The following SNTG1 variants were observed in gnomAD, a reference collection of about 807,000 sequenced individuals.
SNTG1 encodes gamma-1-syntrophin.
Under a neutral mutation model 74.7 loss-of-function variants are expected in SNTG1, and 39 were observed. The observed-to-expected ratio is 0.52, with a 90% CI of 0.40 to 0.68. The LOEUF (loss-of-function observed/expected upper bound fraction) is 0.68, where lower values mean the gene tolerates loss of function less well. Among genes scored for constraint, SNTG1 ranks in the 30% least tolerant of loss-of-function variants. SNTG1 has a pLI of 0.00. For synonymous variants in SNTG1, 254 were observed against 217.1 expected (o/e 1.17, Z -1.49); for missense variants, 685 against 609.5 (o/e 1.12, Z -1.30).
intron 2 of SNTG1, among the ~76,000 whole-genome samples, chr8:50,248,508 C>T (rs562187089): frequency 7.9e-5 from 12 of 152,280 alleles, no homozygotes; most frequent in South Asian, 4.1e-4. Flanking sequence ...ATACCACTTT[C>T]CTCAGTCAGA....
intron 2 of SNTG1, among the ~76,000 whole-genome samples, chr8:50,193,511 C>T (rs1190739268): frequency 6.6e-6 from 1 of 151,970 alleles, no homozygotes; most frequent in South Asian, 2.1e-4. Context: ...GATTTGTATA[C>T]ATTAATCTTG....
At position 50,529,488 on chromosome 8, in the gene SNTG1, A is replaced by T. The variant is rs371017017; in HGVS notation, c.467-689A>T. On this transcript the variant is annotated intron_variant, in intron 9 of 18. Transcript: ENST00000642720. ...ATATTTGTGGGTAATATTTATAAACATTAGTAACTTTAAAAAATATCTTTA... is the reference window on the plus strand; with the variant it reads ...ATATTTGTGGGTAATATTTATAAACTTTAGTAACTTTAAAAAATATCTTTA... Among the ~76,000 whole-genome samples, 12 of 152,132 alleles carry T rather than the reference A, an allele frequency of 7.9e-5. No homozygotes were observed. In the East Asian group the frequency reaches 2.3e-3, roughly 29 times the overall value.
chr8:50,562,375 TGA>T (rs1431729387), intron 12 of SNTG1, among the ~76,000 whole-genome samples: 3 of 152,150 alleles, frequency 2.0e-5, no homozygotes, highest in African/African-American at 7.2e-5. Flanking sequence ...GAAGTCAAAG[TGA>T]GAGAACAAGA....
At chr8:50,222,909 T>G (rs2085143221) in intron 2 of SNTG1, among the ~76,000 whole-genome samples, 1 of 152,040 alleles carries the variant, frequency 6.6e-6, no homozygotes, top group East Asian at 1.9e-4. Flanking sequence ...AAATGCACTC[T>G]TCAACCCACA....
intron 2 of SNTG1, among the ~76,000 whole-genome samples, chr8:50,208,650 C>G (rs1248880230): frequency 6.6e-6 from 1 of 152,184 alleles, no homozygotes; most frequent in Non-Finnish European, 1.5e-5. Flanking sequence ...CAGTTTCTTC[C>G]TAGCCTTGAT....
At chr8:50,126,622 A>G (rs553815656) in intron 1 of SNTG1, among the ~76,000 whole-genome samples, 7 of 151,986 alleles carry the variant, frequency 4.6e-5, no homozygotes, top group Admixed American at 3.9e-4. Context: ...ATAAATTCAT[A>G]TATGTTTATA....
chr8:50,484,534 C>T lies in SNTG1; in HGVS notation c.364-18244C>T, dbSNP rs1036730121. 2.7e-5 allele frequency among the ~76,000 whole-genome samples: 4 copies of T among 150,530 alleles called. No individual in the cohort carries two copies. The South Asian group carries it at 6.5e-4, about 25-fold the overall frequency. On this transcript the variant is annotated intron_variant, in intron 8 of 18. Transcript: ENST00000642720. ...CCAACCTGGATTTTCTTGATATAGA[C>T]ATGTTCTCTACTTCAGTATCCTGCC...
intron 2 of SNTG1, among the ~76,000 whole-genome samples, chr8:50,177,418 G>A (rs888258114): frequency 2.6e-5 from 4 of 152,042 alleles, no homozygotes; most frequent in Non-Finnish European, 4.4e-5. Flanking sequence ...CCTCATTCCC[G>A]AACATCCCTG....
At chr8:50,416,147 A>G (rs1244738519) in intron 4 of SNTG1, among the ~76,000 whole-genome samples, 1 of 152,188 alleles carries the variant, frequency 6.6e-6, no homozygotes, top group Admixed American at 6.6e-5. Flanking sequence ...TGTCCCAAGT[A>G]CAATTAAACT....
intron 12 of SNTG1, among the ~76,000 whole-genome samples, chr8:50,582,606 T>C (rs1025457319): frequency 1.3e-5 from 2 of 152,082 alleles, no homozygotes; most frequent in Admixed American, 6.6e-5. Flanking sequence ...TTATTTGAGG[T>C]ACTGCAATTT....
At chr8:50,460,726 A>G (rs78459174) in intron 8 of SNTG1, among the ~76,000 whole-genome samples, 3,389 of 152,170 alleles carry the variant, frequency 0.022, 122 homozygotes, top group African/African-American at 0.074. Flanking sequence ...TTCTAGCACC[A>G]TTTATTGAAT....
At chr8:50,270,542 AGAGGAATTGAGATCTGC>A (rs2087724859) in intron 2 of SNTG1, among the ~76,000 whole-genome samples, 1 of 151,324 alleles carries the variant, frequency 6.6e-6, no homozygotes, top group South Asian at 2.1e-4. Flanking sequence ...CTTCCAAGTC[AGAGGAATTGAGATCTGC>A]ATGGCCTTTG....
intron 1 of SNTG1, among the ~76,000 whole-genome samples, chr8:49,979,438 T>A (rs1282883699): frequency 1.3e-5 from 2 of 152,228 alleles, no homozygotes; most frequent in Admixed American, 6.5e-5. Flanking sequence ...GTTCTGTGCT[T>A]TTGATGACAA....
At chr8:50,052,698 T>G (rs1227329314) in intron 1 of SNTG1, among the ~76,000 whole-genome samples, 3 of 152,132 alleles carry the variant, frequency 2.0e-5, no homozygotes, top group African/African-American at 7.2e-5. Flanking sequence ...CCGGAAAACA[T>G]AAACATTTCT....
chr8:49,913,274 GTGAAAAGAGTCTACCCCTT>G (rs1006757858), intron 1 of SNTG1, among the ~76,000 whole-genome samples: 10 of 152,196 alleles, frequency 6.6e-5, no homozygotes, highest in African/African-American at 2.4e-4. Flanking sequence ...AATCAACTCT[GTGAAAAGAGTCTACCCCTT>G]TGAAAAATTA....
intron 8 of SNTG1, among the ~76,000 whole-genome samples, chr8:50,484,440 C>T (rs1032749098): frequency 2.0e-5 from 3 of 151,628 alleles, no homozygotes; most frequent in African/African-American, 7.3e-5. Flanking sequence ...GTCTCAAACT[C>T]ATGACCTCAG....
intron 2 of SNTG1, among the ~76,000 whole-genome samples, chr8:50,347,229 C>T (rs1323490233): frequency 6.6e-6 from 1 of 152,164 alleles, no homozygotes; most frequent in Non-Finnish European, 1.5e-5. Flanking sequence ...TGCTTGTTTA[C>T]CATTTTTTAA....
chr8:49,946,980 C>T (rs2129385050), intron 1 of SNTG1, among the ~76,000 whole-genome samples: 1 of 152,244 alleles, frequency 6.6e-6, no homozygotes. Context: ...TTCGTAATAG[C>T]TACGAGAGGT....
At chr8:50,532,193 A>C (rs966717775) in intron 10 of SNTG1, among the ~76,000 whole-genome samples, 1 of 152,290 alleles carries the variant, frequency 6.6e-6, no homozygotes, top group African/African-American at 2.4e-5. Flanking sequence ...CAGTGTAAGG[A>C]AATTGAAAGT....
Sources: gnomAD v4.1 joint callset for allele counts (sites outside exome capture counted in the v4.1 genomes callset) on GRCh38, gnomAD v4.1.1 for gene constraint, MANE v1.5 for transcripts, NCBI Gene and HGNC (gene_info 2026-07-23, HGNC 2026-07-21) for gene names.